Variants in NBEA observed in about 807,000 individuals in gnomAD.
The protein encoded by NBEA is lysosomal-trafficking regulator 2.
NBEA carries 44 observed loss-of-function variants against 343.4 expected under a neutral mutation model. The ratio of observed to expected loss-of-function variants is 0.13; its 90% CI spans 0.10 to 0.16. The LOEUF (loss-of-function observed/expected upper bound fraction) is 0.16. Among genes scored for constraint, NBEA ranks in the 10% least tolerant of loss-of-function variants. NBEA has a pLI of 1.00. For synonymous variants in NBEA, 1,175 were observed against 1,238.7 expected (o/e 0.95, Z 1.08); for missense variants, 2,555 against 3,631.3 (o/e 0.70, Z 7.62).
intron 34 of NBEA, among the ~76,000 whole-genome samples, chr13:35,276,964 C>T (rs1041588245): frequency 7.2e-5 from 11 of 152,024 alleles, no homozygotes; most frequent in African/African-American, 1.5e-4. Flanking sequence ...CTTTAGAGAA[C>T]GGTTTACTTT....
Position 35,651,606 on chromosome 13 carries a change from A to G in NBEA, c.7964-199A>G, listed in dbSNP as rs565639589. On this transcript the variant is annotated intron_variant, in intron 52 of 58. Transcript: ENST00000379939. ...AACAAAACTCTTCCCAGCCTTGTAC[A>G]TCGTAAGTGGAAACCTGAAGTCCCT... Among the ~76,000 whole-genome samples, 111 of 152,274 alleles carry G rather than the reference A, an allele frequency of 7.3e-4. 1 individual carries two copies. In the South Asian group the frequency reaches 0.023, roughly 32 times the overall value.
In NBEA at chr13:35,098,256, CAT is replaced by C. The variant is rs201145133; in HGVS notation, c.1572-40_1572-39del. On this transcript the variant is annotated intron_variant, in intron 10 of 58. Transcript: ENST00000379939. Reference sequence around the variant, plus strand: ...GAAGTGGGACACTGTTTATAATAAACATGTGATGATTACATAATGATGTCTGT... The same window carrying C: ...GAAGTGGGACACTGTTTATAATAAACGTGATGATTACATAATGATGTCTGT... 3.0e-3 allele frequency: 4,068 copies of C among 1,344,030 alleles called. 17 individuals are homozygous for C. Among genetic ancestry groups the C allele is most frequent in the Non-Finnish European group, 2.9e-3 (2,772 of 962,734 alleles). 83.3% of individuals were successfully genotyped at this position (1,344,030 alleles called of 1,614,324 possible).
intron 41 of NBEA, among the ~76,000 whole-genome samples, chr13:35,536,646 T>TGATAGATAGATA (rs79061692): frequency 3.2e-4 from 32 of 99,404 alleles, no homozygotes; most frequent in Middle Eastern, 4.4e-3. Context: ...AATAGATAGA[T>TGATAGATAGATA]GATAGATAGA....
intron 17 of NBEA, among the ~76,000 whole-genome samples, chr13:35,136,324 G>A (rs1354988471): frequency 6.6e-6 from 1 of 152,152 alleles, no homozygotes; most frequent in Admixed American, 6.5e-5. Context: ...CTTTTGGTGA[G>A]TGAAAATAGT....
intron 41 of NBEA, among the ~76,000 whole-genome samples, chr13:35,521,022 G>T (rs778997014): frequency 1.9e-4 from 29 of 152,054 alleles, no homozygotes; most frequent in Non-Finnish European, 3.5e-4. Flanking sequence ...CCCATGGGAA[G>T]GAAATTTCTG....
intron 28 of NBEA, among the ~76,000 whole-genome samples, chr13:35,181,187 C>T (rs2071291129): frequency 6.6e-6 from 1 of 151,698 alleles, no homozygotes; most frequent in South Asian, 2.1e-4. Context: ...GGGTAAATAC[C>T]CAGTAGTGGG....
chr13:35,373,562 G>A (rs1281267387), intron 38 of NBEA, among the ~76,000 whole-genome samples: 10 of 151,660 alleles, frequency 6.6e-5, no homozygotes, highest in African/African-American at 1.5e-4. Context: ...AAAATTAGCC[G>A]GGCATGGTGG....
intron 35 of NBEA, among the ~76,000 whole-genome samples, chr13:35,308,350 A>G (rs1302324149): frequency 6.7e-6 from 1 of 148,800 alleles, no homozygotes. Flanking sequence ...AGATTTTTCT[A>G]TTAAAATGCA....
chr13:35,504,341 A>G (rs915106575), intron 41 of NBEA, among the ~76,000 whole-genome samples: 1 of 152,178 alleles, frequency 6.6e-6, no homozygotes, highest in Non-Finnish European at 1.5e-5. Flanking sequence ...ATGTAATATA[A>G]TACACATCTA....
intron 25 of NBEA, among the ~76,000 whole-genome samples, chr13:35,169,539 G>A (rs1016703423): frequency 6.6e-6 from 1 of 151,442 alleles, no homozygotes; most frequent in Non-Finnish European, 1.5e-5. Flanking sequence ...TAAAATGAAA[G>A]CATAGTTTGA....
chr13:35,596,608 T>C (rs1162656888), intron 47 of NBEA, among the ~76,000 whole-genome samples: 1 of 152,144 alleles, frequency 6.6e-6, no homozygotes, highest in Non-Finnish European at 1.5e-5. Context: ...TGAGTCAGAC[T>C]AGTTAGTTTT....
chr13:35,657,525 G>T (rs2084870545), intron 55 of NBEA, among the ~76,000 whole-genome samples: 1 of 152,110 alleles, frequency 6.6e-6, no homozygotes. Context: ...ATTCTAGTAT[G>T]CCTATGTATG....
At chr13:35,627,041 A>G (rs1264853153) in intron 48 of NBEA, among the ~76,000 whole-genome samples, 1 of 152,210 alleles carries the variant, frequency 6.6e-6, no homozygotes, top group Admixed American at 6.5e-5. Context: ...TATTTATAAT[A>G]TTTTATATAC....
intron 48 of NBEA, among the ~76,000 whole-genome samples, chr13:35,615,406 C>T (rs149031150): frequency 1.2e-3 from 184 of 152,004 alleles, no homozygotes; most frequent in African/African-American, 4.1e-3. Context: ...TGCAGTGGCA[C>T]GATCTCAGCT....
chr13:34,957,114 A>G (rs940074395), intron 1 of NBEA, among the ~76,000 whole-genome samples: 3 of 152,080 alleles, frequency 2.0e-5, no homozygotes, highest in African/African-American at 7.2e-5. Context: ...TATACCCACC[A>G]TAGTGATATT....
At chr13:35,357,190 A>G (rs952626111) in intron 38 of NBEA, among the ~76,000 whole-genome samples, 3 of 143,660 alleles carry the variant, frequency 2.1e-5, no homozygotes, top group Non-Finnish European at 3.0e-5. Flanking sequence ...TACTTTCCAC[A>G]TAGAATTTGA....
At chr13:35,010,741 A>AATATATAT (rs869140392) in intron 1 of NBEA, among the ~76,000 whole-genome samples, 18 of 31,930 alleles carry the variant, frequency 5.6e-4, no homozygotes, top group East Asian at 1.9e-3. Context: ...AAAAAAAAAA[A>AATATATAT]ATATATATAT....
intron 31 of NBEA, among the ~76,000 whole-genome samples, chr13:35,202,785 A>G (rs551133900): frequency 6.6e-5 from 10 of 152,094 alleles, no homozygotes; most frequent in Non-Finnish European, 1.2e-4. Context: ...TGCTATTTGG[A>G]TGATTAAAAA....
intron 1 of NBEA, among the ~76,000 whole-genome samples, chr13:35,016,898 A>AC (rs925374691): frequency 2.6e-5 from 4 of 152,104 alleles, no homozygotes; most frequent in Non-Finnish European, 5.9e-5. Flanking sequence ...CTATTTAGAA[A>AC]CCAACTAAAA....
Sources: gnomAD v4.1 joint callset for allele counts (sites outside exome capture counted in the v4.1 genomes callset) on GRCh38, gnomAD v4.1.1 for gene constraint, MANE v1.5 for transcripts, NCBI Gene and HGNC (gene_info 2026-07-23, HGNC 2026-07-21) for gene names.